Variants in CEP112 observed in about 807,000 individuals in gnomAD.
CEP112 encodes the protein centrosomal protein 112.
Under a neutral mutation model 153.0 loss-of-function variants are expected in CEP112, and 127 were observed. The observed-to-expected ratio is 0.83, with a 90% confidence interval of 0.72 to 0.96. The LOEUF is 0.96. CEP112 is among the 40% of genes least tolerant of loss of function. The pLI, the probability that CEP112 is intolerant of heterozygous loss-of-function variation, is 0.00. For synonymous variants in CEP112, 358 were observed against 374.4 expected, an observed-to-expected ratio of 0.96 and a Z score of 0.51; for missense variants, 1,089 against 1,101.2, an observed-to-expected ratio of 0.99 and a Z score of 0.16.
chr17:65,919,016 A>C (rs1213514512), intron 19 of CEP112, among the ~76,000 whole-genome samples: 3 of 152,192 alleles, frequency 2.0e-5, no homozygotes, highest in South Asian at 2.1e-4. Context: ...TCGTTATAAA[A>C]TGTGAGGATT....
intron 24 of CEP112, among the ~76,000 whole-genome samples, chr17:65,653,017 G>A (rs2045865886): frequency 6.6e-6 from 1 of 152,080 alleles, no homozygotes; most frequent in African/African-American, 2.4e-5. Context: ...GATGCGCTCT[G>A]GTCTCTCTTC....
At chr17:66,034,352 T>A (rs575632870) in intron 12 of CEP112, among the ~76,000 whole-genome samples, 1 of 152,284 alleles carries the variant, frequency 6.6e-6, no homozygotes, top group South Asian at 2.1e-4. Context: ...AAATCCAACA[T>A]AGAGGTAAAG....
chr17:65,714,609 A>C (rs1000285432), intron 23 of CEP112, among the ~76,000 whole-genome samples: 1 of 152,078 alleles, frequency 6.6e-6, no homozygotes, highest in African/African-American at 2.4e-5. Context: ...CTGCGTACCT[A>C]GCCATACTAT....
chr17:65,834,674 A>G (rs975015261), intron 21 of CEP112, among the ~76,000 whole-genome samples: 1 of 152,206 alleles, frequency 6.6e-6, no homozygotes, highest in Admixed American at 6.5e-5. Context: ...CAGAATGGCT[A>G]TTAGTAAAAA....
At chr17:65,713,795 A>G (rs1055326695) in intron 23 of CEP112, among the ~76,000 whole-genome samples, 9 of 151,924 alleles carry the variant, frequency 5.9e-5, no homozygotes, top group Non-Finnish European at 1.0e-4. Flanking sequence ...TCACCATGTT[A>G]GCCAGGATGG....
chr17:65,647,540 A>G (rs1344877815), intron 24 of CEP112, among the ~76,000 whole-genome samples: 1 of 145,730 alleles, frequency 6.9e-6, no homozygotes, highest in Non-Finnish European at 1.5e-5. Flanking sequence ...CCATGGCACA[A>G]TCACAGCTTA....
At chr17:65,681,121 C>T (rs1296883493) in intron 24 of CEP112, among the ~76,000 whole-genome samples, 2 of 152,114 alleles carry the variant, frequency 1.3e-5, no homozygotes, top group South Asian at 4.1e-4. Context: ...ATAGGGGCTC[C>T]GGAAAGCAAA....
At chr17:66,125,745 G>GA (rs947437845) in intron 6 of CEP112, among the ~76,000 whole-genome samples, 4 of 142,766 alleles carry the variant, frequency 2.8e-5, no homozygotes, top group South Asian at 2.2e-4. Context: ...GAAAAGAAAA[G>GA]AAAAAAAAGA....
At chr17:66,149,868 GTTTTTT>G (rs1198335741) in intron 4 of CEP112, among the ~76,000 whole-genome samples, 1 of 79,550 alleles carries the variant, frequency 1.3e-5, no homozygotes, top group Non-Finnish European at 2.5e-5. Flanking sequence ...TAAATTTAGG[GTTTTTT>G]TTTTTGTTTG....
chr17:66,068,681 A>C (rs1187564333), intron 9 of CEP112, among the ~76,000 whole-genome samples: 7 of 152,162 alleles, frequency 4.6e-5, no homozygotes, highest in Admixed American at 4.6e-4. Flanking sequence ...GATTTATTTT[A>C]AAGAGAAATT....
intron 18 of CEP112, among the ~76,000 whole-genome samples, chr17:65,940,199 C>A (rs540042054): frequency 6.6e-6 from 1 of 152,252 alleles, no homozygotes; most frequent in East Asian, 1.9e-4. Context: ...CACTTCACAA[C>A]TGTTAGAACA....
chr17:66,044,432 G>T (rs2066114565), intron 12 of CEP112, among the ~76,000 whole-genome samples: 1 of 152,092 alleles, frequency 6.6e-6, no homozygotes, highest in South Asian at 2.1e-4. Flanking sequence ...GTACACGGCA[G>T]CATTATTCAC....
intron 17 of CEP112, among the ~76,000 whole-genome samples, chr17:65,979,644 T>C (rs1036086468): frequency 6.6e-5 from 10 of 152,198 alleles, no homozygotes; most frequent in African/African-American, 2.2e-4. Context: ...GAAAAGAATG[T>C]AAATTCTTGT....
intron 12 of CEP112, among the ~76,000 whole-genome samples, chr17:66,035,377 T>C (rs2065693527): frequency 6.6e-6 from 1 of 152,122 alleles, no homozygotes; most frequent in African/African-American, 2.4e-5. Flanking sequence ...AGTACCTCTG[T>C]GAACGTGCTA....
intron 6 of CEP112, among the ~76,000 whole-genome samples, chr17:66,097,655 A>C (rs545738362): frequency 6.6e-6 from 1 of 152,310 alleles, no homozygotes; most frequent in South Asian, 2.1e-4. Flanking sequence ...GAACAGAAGG[A>C]GTACTGGGAT....
chr17:65,896,818 G>A (rs1368642583), intron 20 of CEP112, among the ~76,000 whole-genome samples: 2 of 151,910 alleles, frequency 1.3e-5, no homozygotes, highest in East Asian at 1.9e-4. Flanking sequence ...TCTTAAATAC[G>A]GCACTTAGAT....
intron 21 of CEP112, among the ~76,000 whole-genome samples, chr17:65,774,779 T>C (rs1039879220): frequency 2.0e-5 from 3 of 152,132 alleles, no homozygotes; most frequent in Non-Finnish European, 4.4e-5. Context: ...AAGTTTCTGC[T>C]GCACAGCCAA....
chr17:66,075,884 C>T (rs1008441790), intron 8 of CEP112, among the ~76,000 whole-genome samples: 2 of 152,154 alleles, frequency 1.3e-5, no homozygotes, highest in African/African-American at 2.4e-5. Context: ...CTGTGAGTTC[C>T]CAAACTGCAG....
chr17:66,132,082 T>TG (rs756381605), intron 5 of CEP112, among the ~76,000 whole-genome samples: 1 of 134,508 alleles, frequency 7.4e-6, no homozygotes, highest in Non-Finnish European at 1.6e-5. Context: ...GGCAGGAGAA[T>TG]GGCTTGAACC....
Sources: gnomAD v4.1 joint callset for allele counts (sites outside exome capture counted in the v4.1 genomes callset) on GRCh38, gnomAD v4.1.1 for gene constraint, MANE v1.5 for transcripts, NCBI Gene and HGNC (gene_info 2026-07-23, HGNC 2026-07-21) for gene names.